Variants in FHIT observed in about 807,000 individuals in gnomAD.
FHIT encodes bis(5'-adenosyl)-triphosphatase.
A neutral mutation model predicts 17.9 loss-of-function variants in FHIT; 19 were observed. The observed-to-expected ratio is 1.06, with a 90% CI of 0.74 to 1.56. The LOEUF is 1.56. Ranked by LOEUF, FHIT falls within the 40% of genes most tolerant of loss-of-function variation. The pLI, the probability that FHIT is intolerant of heterozygous loss-of-function variation, is 0.00. For synonymous variants in FHIT, 81 were observed against 69.7 expected (o/e 1.16, Z -0.81); for missense variants, 248 against 189.2 (o/e 1.31, Z -1.82).
intron 4 of FHIT, among the ~76,000 whole-genome samples, chr3:60,645,804 C>G (rs1418160819): frequency 6.6e-6 from 1 of 152,186 alleles, no homozygotes; most frequent in Non-Finnish European, 1.5e-5. Flanking sequence ...ATAAGAGCCT[C>G]AACACTCCCC....
At chr3:60,537,264 C>T (rs533626002) in intron 4 of FHIT, among the ~76,000 whole-genome samples, 8 of 152,222 alleles carry the variant, frequency 5.3e-5, no homozygotes, top group South Asian at 2.1e-4. Context: ...CTGCACTTCA[C>T]GGTGCCACCT....
chr3:60,446,155 C>A (rs1004076919), intron 5 of FHIT, among the ~76,000 whole-genome samples: 1 of 152,088 alleles, frequency 6.6e-6, no homozygotes, highest in African/African-American at 2.4e-5. Flanking sequence ...ACTGGGAGAA[C>A]TGCAACTAAT....
chr3:61,138,587 G>C (rs2036984139), intron 2 of FHIT, among the ~76,000 whole-genome samples: 1 of 152,182 alleles, frequency 6.6e-6, no homozygotes, highest in Non-Finnish European at 1.5e-5. Context: ...TGGTGGCGCT[G>C]ACAAAAATGA....
chr3:61,007,413 T>C (rs1444770047), intron 3 of FHIT, among the ~76,000 whole-genome samples: 1 of 152,190 alleles, frequency 6.6e-6, no homozygotes, highest in Non-Finnish European at 1.5e-5. Flanking sequence ...GGAGGAGCAA[T>C]AAATTCATTA....
intron 5 of FHIT, among the ~76,000 whole-genome samples, chr3:60,042,845 T>A (rs1701497611): frequency 6.6e-6 from 1 of 152,150 alleles, no homozygotes; most frequent in Non-Finnish European, 1.5e-5. Flanking sequence ...GTGGCTGGGA[T>A]AATGTCTAAT....
chr3:60,719,137 C>G (rs2041753749), intron 4 of FHIT, among the ~76,000 whole-genome samples: 1 of 152,162 alleles, frequency 6.6e-6, no homozygotes, highest in South Asian at 2.1e-4. Flanking sequence ...AAAGATGATG[C>G]TTATTAGTAA....
rs566656000 is a variant in FHIT at position 60,001,200 on chromosome 3, C to A, written c.279+10171G>T. Among the ~76,000 whole-genome samples the A allele has an allele frequency of 5.3e-5, 8 of 152,320 alleles. No homozygotes were observed. The East Asian group carries it at 1.4e-3, about 26-fold the overall frequency. ...AGAAGACAATACACTGAGAGTTTTT[C>A]CTAGGCTGTCTTGCCTTCCACTTTA... On this transcript the variant is annotated intron_variant, in intron 7 of 9. Coordinates refer to ENST00000492590, the MANE Select transcript of FHIT (RefSeq NM_002012.4).
At chr3:61,160,796 A>G (rs950023705) in intron 2 of FHIT, among the ~76,000 whole-genome samples, 1 of 152,188 alleles carries the variant, frequency 6.6e-6, no homozygotes, top group African/African-American at 2.4e-5. Flanking sequence ...TATTTTCCCT[A>G]TGGTCTTTAA....
intron 4 of FHIT, among the ~76,000 whole-genome samples, chr3:60,566,466 A>G (rs1460909367): frequency 1.3e-5 from 2 of 152,196 alleles, no homozygotes; most frequent in African/African-American, 2.4e-5. Context: ...TCTCAAAATA[A>G]TAAGAGCTAT....
At position 59,987,792 on chromosome 3, in the gene FHIT, T is replaced by C. The variant is rs79462722; in HGVS notation, c.279+23579A>G. ...GGCATTTCCCTACATGGCCTACTTATGTTTTTCAAAGTGAAGGGATATTTC... is the reference window on the plus strand; with the variant it reads ...GGCATTTCCCTACATGGCCTACTTACGTTTTTCAAAGTGAAGGGATATTTC... On this transcript the variant is annotated intron_variant, in intron 7 of 9. Coordinates refer to ENST00000492590, the MANE Select transcript of FHIT (RefSeq NM_002012.4). Among the ~76,000 whole-genome samples the C allele has an allele frequency of 5.1e-3, 783 of 152,182 alleles. 2 individuals are homozygous for C. The highest frequency in any genetic ancestry group is 0.017 in the African/African-American group (718 of 41,556).
At chr3:59,763,375 A>T (rs1224845780) in intron 8 of FHIT, among the ~76,000 whole-genome samples, 1 of 152,230 alleles carries the variant, frequency 6.6e-6, no homozygotes, top group East Asian at 1.9e-4. Flanking sequence ...ATGCACAGCC[A>T]CAGAATCCTT....
At chr3:60,472,645 A>G (rs967247634) in intron 5 of FHIT, among the ~76,000 whole-genome samples, 2 of 152,196 alleles carry the variant, frequency 1.3e-5, no homozygotes, top group African/African-American at 4.8e-5. Flanking sequence ...CTGGGATTAC[A>G]GGCATGAGCC....
chr3:59,789,203 G>C (rs995846542), intron 8 of FHIT, among the ~76,000 whole-genome samples: 1 of 152,132 alleles, frequency 6.6e-6, no homozygotes, highest in Non-Finnish European at 1.5e-5. Context: ...CCAGATAGTA[G>C]GGGCATTTCA....
chr3:59,993,146 T>G (rs1699360116), intron 7 of FHIT, among the ~76,000 whole-genome samples: 1 of 152,080 alleles, frequency 6.6e-6, no homozygotes, highest in African/African-American at 2.4e-5. Flanking sequence ...GGAAATTTCT[T>G]TAACCACCAA....
chr3:60,911,117 G>A (rs1706719370), intron 3 of FHIT, among the ~76,000 whole-genome samples: 2 of 152,110 alleles, frequency 1.3e-5, no homozygotes, highest in African/African-American at 2.4e-5. Context: ...TCAGTATGTG[G>A]TTTAAAAGGA....
chr3:60,111,443 A>G (rs1007310238), intron 5 of FHIT, among the ~76,000 whole-genome samples: 1 of 152,220 alleles, frequency 6.6e-6, no homozygotes, highest in East Asian at 1.9e-4. Flanking sequence ...ACTGATATAT[A>G]ATAGACTCCT....
At chr3:61,044,268 C>T (rs1160780426) in intron 2 of FHIT, among the ~76,000 whole-genome samples, 1 of 152,146 alleles carries the variant, frequency 6.6e-6, no homozygotes, top group Admixed American at 6.5e-5. Context: ...CTAGAATAAC[C>T]AGTGTAGAGA....
At chr3:60,027,142 C>CAG (rs1321531808) in intron 5 of FHIT, among the ~76,000 whole-genome samples, 24 of 109,526 alleles carry the variant, frequency 2.2e-4, no homozygotes, top group African/African-American at 9.3e-4. Context: ...CACACACACA[C>CAG]ACACACAAAA....
chr3:60,536,615 A>C, intron 5 of FHIT: 2 of 386,722 alleles, frequency 5.2e-6, no homozygotes, highest in Non-Finnish European at 9.1e-6. Context: ...CTCCAAAGCC[A>C]CGGTTGCTAA....
Sources: allele counts gnomAD v4.1 joint callset (sites outside exome capture counted in the v4.1 genomes callset), GRCh38; gene constraint gnomAD v4.1.1; transcripts MANE v1.5; gene names NCBI Gene and HGNC (gene_info 2026-07-23, HGNC 2026-07-21).